The following PRKCA variants were observed in gnomAD, a reference collection of about 807,000 sequenced individuals.
The protein encoded by PRKCA is protein kinase C alpha, also known as protein kinase C alpha type.
In PRKCA, 27 loss-of-function variants were observed where a neutral mutation model predicts 87.0. The observed-to-expected ratio is 0.31, with a 90% confidence interval of 0.23 to 0.43. The LOEUF (loss-of-function observed/expected upper bound fraction) is 0.43, where lower values mean the gene tolerates loss of function less well. Ranked by LOEUF, PRKCA falls within the 20% of genes least tolerant of loss-of-function variation. The pLI, the probability that PRKCA is intolerant of heterozygous loss-of-function variation, is 1.00. For missense variants in PRKCA, 518 were observed against 852.3 expected (o/e 0.61, Z 4.88); for synonymous variants, 329 against 311.1 (o/e 1.06, Z -0.61).
At chr17:66,394,323 G>T (rs1156778695) in intron 2 of PRKCA, among the ~76,000 whole-genome samples, 2 of 152,244 alleles carry the variant, frequency 1.3e-5, no homozygotes, top group Non-Finnish European at 2.9e-5. Context: ...TGGGACCCAT[G>T]AGGTGTGCTT....
intron 3 of PRKCA, among the ~76,000 whole-genome samples, chr17:66,530,682 G>C (rs1328824600): frequency 6.6e-6 from 1 of 152,136 alleles, no homozygotes; most frequent in Non-Finnish European, 1.5e-5. Context: ...TGAGGGAAAA[G>C]GGTGGCTCAC....
intron 3 of PRKCA, among the ~76,000 whole-genome samples, chr17:66,611,496 T>A (rs914524511): frequency 1.3e-5 from 2 of 152,218 alleles, no homozygotes; most frequent in African/African-American, 4.8e-5. Context: ...GGTTCATCCA[T>A]GTTGTAGCAT....
At chr17:66,493,583 C>G (rs1296972657) in intron 2 of PRKCA, among the ~76,000 whole-genome samples, 4 of 151,998 alleles carry the variant, frequency 2.6e-5, no homozygotes, top group African/African-American at 9.7e-5. Context: ...CTTCCTGTCT[C>G]CCGTTCACAA....
intron 13 of PRKCA, among the ~76,000 whole-genome samples, chr17:66,753,806 GAGA>G (rs1974488072): frequency 6.6e-6 from 1 of 152,092 alleles, no homozygotes; most frequent in African/African-American, 2.4e-5. Context: ...AGGACACAGC[GAGA>G]AGGAGGCAGC....
At chr17:66,721,782 CT>C (rs1181385425) in intron 8 of PRKCA, among the ~76,000 whole-genome samples, 1 of 152,168 alleles carries the variant, frequency 6.6e-6, no homozygotes, top group African/African-American at 2.4e-5. Flanking sequence ...TCTTTATGGT[CT>C]GTACCTTCTG....
intron 3 of PRKCA, among the ~76,000 whole-genome samples, chr17:66,603,266 C>G (rs1019776884): frequency 2.0e-5 from 3 of 152,158 alleles, no homozygotes; most frequent in Admixed American, 6.5e-5. Context: ...CCAGCCCTTT[C>G]CTGAACGCGT....
chr17:66,606,159 G>A (rs1195857552), intron 3 of PRKCA, among the ~76,000 whole-genome samples: 2 of 152,200 alleles, frequency 1.3e-5, no homozygotes, highest in Non-Finnish European at 2.9e-5. Context: ...GGAGGCTGAG[G>A]TGGGCGGATC....
chr17:66,482,232 G>A (rs1276116433), intron 2 of PRKCA, among the ~76,000 whole-genome samples: 1 of 152,012 alleles, frequency 6.6e-6, no homozygotes, highest in East Asian at 1.9e-4. Context: ...CAACTGGCTT[G>A]TTTAATAAAC....
At chr17:66,652,106 G>A (rs1170198716) in intron 5 of PRKCA, among the ~76,000 whole-genome samples, 2 of 152,078 alleles carry the variant, frequency 1.3e-5, no homozygotes, top group Non-Finnish European at 2.9e-5. Context: ...TTATAGGTGT[G>A]TGCCACCATG....
intron 5 of PRKCA, among the ~76,000 whole-genome samples, chr17:66,662,422 G>A (rs1165636216): frequency 6.6e-6 from 1 of 152,110 alleles, no homozygotes; most frequent in African/African-American, 2.4e-5. Flanking sequence ...ATGGCTCAGC[G>A]GCACCCAAGC....
intron 3 of PRKCA, among the ~76,000 whole-genome samples, chr17:66,582,876 G>T (rs1483131462): frequency 6.6e-6 from 1 of 152,154 alleles, no homozygotes; most frequent in East Asian, 1.9e-4. Flanking sequence ...CCTCAGCTGA[G>T]TGTGAGCCCC....
At chr17:66,686,915 G>A (rs955482062) in intron 5 of PRKCA, among the ~76,000 whole-genome samples, 196 bp from the exon 6 acceptor site, 4 of 152,142 alleles carry the variant, frequency 2.6e-5, no homozygotes, top group Non-Finnish European at 5.9e-5. Context: ...GGGCCCACAC[G>A]ATGCCCATTA....
At chr17:66,507,551 CACA>C (rs1917031387) in intron 3 of PRKCA, among the ~76,000 whole-genome samples, 1 of 152,176 alleles carries the variant, frequency 6.6e-6, no homozygotes, top group Admixed American at 6.5e-5. Context: ...TAAAAACCTT[CACA>C]AGGCAGATTA....
At chr17:66,490,737 T>C (rs1245456673) in intron 2 of PRKCA, among the ~76,000 whole-genome samples, 1 of 152,160 alleles carries the variant, frequency 6.6e-6, no homozygotes, top group Non-Finnish European at 1.5e-5. Flanking sequence ...CAAGCCACTA[T>C]GCCTTGCTAA....
chr17:66,538,933 A>G (rs905489131), intron 3 of PRKCA, among the ~76,000 whole-genome samples: 1 of 152,208 alleles, frequency 6.6e-6, no homozygotes, highest in Non-Finnish European at 1.5e-5. Context: ...GAGCCCCGGT[A>G]TCTGAGGCCC....
chr17:66,549,817 T>C (rs1283071358), intron 3 of PRKCA, among the ~76,000 whole-genome samples: 1 of 152,178 alleles, frequency 6.6e-6, no homozygotes, highest in Non-Finnish European at 1.5e-5. Flanking sequence ...CCCTTTTTAG[T>C]GGTCAGTGGG....
At chr17:66,609,155 A>G (rs1970284997) in intron 3 of PRKCA, among the ~76,000 whole-genome samples, 1 of 152,192 alleles carries the variant, frequency 6.6e-6, no homozygotes, top group South Asian at 2.1e-4. Context: ...TCTGACTTGT[A>G]TGATTCACTT....
chr17:66,393,145 T>G (rs1277962642), intron 2 of PRKCA, among the ~76,000 whole-genome samples: 1 of 151,990 alleles, frequency 6.6e-6, no homozygotes, highest in Non-Finnish European at 1.5e-5. Flanking sequence ...TGGGAAGTGG[T>G]GGGGAGGGGG....
chr17:66,517,848 C>G (rs1394264203), intron 3 of PRKCA, among the ~76,000 whole-genome samples: 2 of 152,144 alleles, frequency 1.3e-5, no homozygotes, highest in African/African-American at 4.8e-5. Context: ...TTCTGCTTAT[C>G]AGTTTACGCA....
Sources: allele counts gnomAD v4.1 joint callset (sites outside exome capture counted in the v4.1 genomes callset), GRCh38; gene constraint gnomAD v4.1.1; transcripts MANE v1.5; gene names NCBI Gene and HGNC (gene_info 2026-07-23, HGNC 2026-07-21).